PRH1: variants seen among roughly 807,000 people sequenced by gnomAD.
The protein encoded by PRH1 is proline rich protein HaeIII subfamily 1.
In PRH1, 7 loss-of-function variants were observed where a neutral mutation model predicts 7.9. The ratio of observed to expected loss-of-function variants is 0.89; its 90% CI spans 0.50 to 1.67. The LOEUF (loss-of-function observed/expected upper bound fraction) is 1.67. PRH1 is among the 40% of genes most tolerant of loss of function. The pLI, the probability that PRH1 is intolerant of heterozygous loss-of-function variation, is 0.00. For missense variants in PRH1, 109 were observed against 223.6 expected, an observed-to-expected ratio of 0.49 and a Z score of 3.27; for synonymous variants, 45 against 80.8, an observed-to-expected ratio of 0.56 and a Z score of 2.38.
chr12:11,025,429 A>G (rs1475739150), intron 1 of PRH1, among the ~76,000 whole-genome samples: 4 of 152,276 alleles, frequency 2.6e-5, no homozygotes, highest in African/African-American at 9.6e-5. Flanking sequence ...GGTTGTATTT[A>G]GAATACAGTT....
chr12:10,890,160 G>A (rs935761898), intron 2 of PRH1, among the ~76,000 whole-genome samples: 3 of 152,182 alleles, frequency 2.0e-5, no homozygotes, highest in Admixed American at 6.5e-5. Context: ...ACATTGGAGG[G>A]TGAAGGCACT....
At position 10,973,794 on chromosome 12, in the gene PRH1, A is replaced by C. The variant is rs905886767; in HGVS notation, c.-125-73T>G. ...GAGAGCTGTGCAAACAAGGAGGGCC[A>C]GCTAAACTAAAATCCAGCACAAGGA... On this transcript the variant is annotated intron_variant, in intron 1 of 3. Coordinates refer to the PRH1 transcript ENST00000539853. The C allele has an allele frequency of 8.4e-5, 61 of 727,022 alleles. 1 individual carries two copies. In the South Asian group the frequency reaches 8.7e-4, roughly 10 times the overall value. The allele number at this position is 727,022 out of a possible 1,614,324, so 45.0% of individuals were successfully genotyped here. A position where few individuals can be genotyped will look rare whatever the true frequency, so the allele number is the denominator to read the frequency against.
intron 1 of PRH1, among the ~76,000 whole-genome samples, chr12:11,125,762 T>C (rs1036742252): frequency 3.3e-5 from 5 of 152,090 alleles, no homozygotes; most frequent in African/African-American, 1.2e-4. Context: ...TGATCATAAA[T>C]ATCTAAATTG....
intron 1 of PRH1, among the ~76,000 whole-genome samples, chr12:11,109,287 G>A (rs149078874): frequency 6.6e-6 from 1 of 152,312 alleles, no homozygotes; most frequent in African/African-American, 2.4e-5. Flanking sequence ...GAAAAGAGCA[G>A]CAGATCTCCC....
chr12:10,975,838 T>C (rs1591754812), intron 1 of PRH1, among the ~76,000 whole-genome samples: 1 of 152,074 alleles, frequency 6.6e-6, no homozygotes, highest in East Asian at 1.9e-4. Flanking sequence ...GGGCATTATG[T>C]AAAGTAAAAG....
chr12:10,954,008 A>C lies in PRH1; in HGVS notation c.-59+19647T>G, dbSNP rs575869506. On this transcript the variant is annotated intron_variant, in intron 2 of 3. Transcript: ENST00000539853. ...CGACCAAGAATTTCATATCCAGCCA[A>C]ACTAAACTTCATAAGTGAAGGAGAA... 7.9e-5 allele frequency among the ~76,000 whole-genome samples: 12 copies of C among 152,336 alleles called. No individual in the cohort carries two copies. In the East Asian group the frequency reaches 2.3e-3, roughly 29 times the overall value.
chr12:11,154,680 T>C (rs1180350962), intron 1 of PRH1, among the ~76,000 whole-genome samples: 1 of 152,228 alleles, frequency 6.6e-6, no homozygotes, highest in African/African-American at 2.4e-5. Flanking sequence ...TCTAGGCATA[T>C]TGACAACTCC....
intron 1 of PRH1, among the ~76,000 whole-genome samples, chr12:11,008,861 T>C (rs971984825): frequency 6.6e-6 from 1 of 152,020 alleles, no homozygotes; most frequent in African/African-American, 2.4e-5. Flanking sequence ...TACAATTCCT[T>C]TGCATATATG....
chr12:11,096,745 G>A (rs1945077340), intron 1 of PRH1, among the ~76,000 whole-genome samples: 1 of 115,100 alleles, frequency 8.7e-6, no homozygotes, highest in South Asian at 2.4e-4. Flanking sequence ...CTCAACCACA[G>A]CTCCATCATT....
At chr12:11,093,019 G>GT (rs1338976113) in intron 1 of PRH1, among the ~76,000 whole-genome samples, 1 of 115,596 alleles carries the variant, frequency 8.7e-6, no homozygotes, top group Non-Finnish European at 2.0e-5. Flanking sequence ...TGAAATTGAC[G>GT]TGAGACCTGA....
intron 1 of PRH1, among the ~76,000 whole-genome samples, chr12:11,129,698 G>C (rs138639459): frequency 2.9e-3 from 439 of 152,226 alleles, no homozygotes; most frequent in Non-Finnish European, 4.2e-3. Context: ...CTAGTGATTT[G>C]GTGAATGGTT....
At chr12:10,975,670 G>A (rs1483444189) in intron 1 of PRH1, among the ~76,000 whole-genome samples, 1 of 151,274 alleles carries the variant, frequency 6.6e-6, no homozygotes, top group African/African-American at 2.4e-5. Context: ...CTGTCCTTAA[G>A]AGACCCATCT....
In PRH1 at chr12:10,952,994, C is replaced by T. The variant is rs982319955; in HGVS notation, c.-59+20661G>A. Among the ~76,000 whole-genome samples the T allele has an allele frequency of 9.2e-5, 14 of 152,186 alleles. No individual in the cohort carries two copies. In the East Asian group the frequency reaches 1.9e-3, roughly 21 times the overall value. On this transcript the variant is annotated intron_variant, in intron 2 of 3. Transcript: ENST00000539853. The stretch of plus-strand genomic sequence containing the variant: ...TGTTGAGGTGCCAGAGAACAAAGTC[C>T]GGTGTCCAAAACTAGACCCCAGACT...
At position 11,002,766 on chromosome 12, in the gene PRH1, CTA is replaced by C. The variant is rs1328380216; in HGVS notation, c.-125-29047_-125-29046del. On this transcript the variant is annotated intron_variant, in intron 1 of 3. Transcript: ENST00000539853. ...GTTTTATAGCTTAACAGTTATCTTTCTATGTTTTCTTCTCTAATACAGTTGAA... is the reference window on the plus strand; with the variant it reads ...GTTTTATAGCTTAACAGTTATCTTTCTGTTTTCTTCTCTAATACAGTTGAA... Among the ~76,000 whole-genome samples the C allele has an allele frequency of 2.6e-5, 4 of 152,086 alleles. No individual in the cohort carries two copies. In the South Asian group the frequency reaches 8.3e-4, roughly 32 times the overall value.
intron 1 of PRH1, among the ~76,000 whole-genome samples, chr12:11,154,266 A>T (rs1398689357): frequency 6.6e-6 from 1 of 152,224 alleles, no homozygotes; most frequent in African/African-American, 2.4e-5. Context: ...AAGAGAATCA[A>T]GTATTGTAAG....
upstream of PRH1, chr12:11,047,256 A>G (rs1942936783): frequency 3.3e-6 from 1 of 305,962 alleles, no homozygotes; most frequent in Non-Finnish European, 6.8e-6. Context: ...GCCCACCCAC[A>G]ATGAAACATA....
At chr12:11,060,439 A>T (rs1313320040) in intron 1 of PRH1, among the ~76,000 whole-genome samples, 1 of 151,940 alleles carries the variant, frequency 6.6e-6, no homozygotes, top group East Asian at 1.9e-4. Flanking sequence ...GGAATTTTAT[A>T]AATGGAAGGT....
rs1938572802 is a variant in PRH1 at position 10,967,624 on chromosome 12, T to A, written c.-59+6031A>T. On this transcript the variant is annotated intron_variant, in intron 2 of 3. Transcript: ENST00000539853. ...AGGAAATTGATTTCATGTGATTAGC[T>A]TTTTGTTTTGTTTTGTTTTGTTTTG... Among the ~76,000 whole-genome samples the A allele has an allele frequency of 2.6e-5, 4 of 152,374 alleles. No homozygotes were observed. The South Asian group carries it at 8.3e-4, about 32-fold the overall frequency.
intron 1 of PRH1, among the ~76,000 whole-genome samples, chr12:11,104,242 G>A (rs1413611639): frequency 4.7e-5 from 6 of 128,488 alleles, no homozygotes; most frequent in Non-Finnish European, 6.8e-5. Flanking sequence ...AGATACTCCC[G>A]ATATATGTCT....
Sources: allele counts gnomAD v4.1 joint callset (sites outside exome capture counted in the v4.1 genomes callset), GRCh38; gene constraint gnomAD v4.1.1; transcripts MANE v1.5; gene names NCBI Gene and HGNC (gene_info 2026-07-23, HGNC 2026-07-21).